Variants in KLC1 observed in about 807,000 individuals in gnomAD.
KLC1 encodes kinesin 2 60/70kDa.
A neutral mutation model predicts 84.2 loss-of-function variants in KLC1; 30 were observed. That is an observed-to-expected ratio of 0.36 (90% CI 0.27 to 0.48). KLC1 has a LOEUF of 0.48. KLC1 is among the 20% of genes least tolerant of loss of function. KLC1 has a pLI of 0.99. For missense variants in KLC1, 499 were observed against 805.4 expected (o/e 0.62, Z 4.60); for synonymous variants, 289 against 293.3 (o/e 0.99, Z 0.15).
chr14:103,699,499 G>A, intron 15 of KLC1: 1 of 1,613,006 alleles, frequency 6.2e-7, no homozygotes, highest in South Asian at 1.1e-5. Context: ...CTGCCACCGA[G>A]TCGATGACCA....
At chr14:103,631,229 C>T (rs1207549281) in intron 1 of KLC1, among the ~76,000 whole-genome samples, 2 of 151,972 alleles carry the variant, frequency 1.3e-5, no homozygotes, top group Admixed American at 6.6e-5. Context: ...CACAGGCGCC[C>T]GCCACCACGC....
chr14:103,688,362 G>T (rs1160622319), intron 14 of KLC1, among the ~76,000 whole-genome samples: 1 of 152,090 alleles, frequency 6.6e-6, no homozygotes, highest in Admixed American at 6.5e-5. Context: ...TGTTAGCCAG[G>T]CTGGTCTCGA....
At chr14:103,657,896 C>G (rs551919893) in intron 3 of KLC1, 120 bp downstream of exon 3, 1 of 754,212 alleles carries the variant, frequency 1.3e-6, no homozygotes, top group Non-Finnish European at 2.2e-6. Flanking sequence ...TTAGAACATG[C>G]AAAAATGTTT....
intron 1 of KLC1, among the ~76,000 whole-genome samples, chr14:103,636,718 A>ATATT (rs1323509359): frequency 7.3e-5 from 11 of 151,258 alleles, no homozygotes; most frequent in African/African-American, 2.4e-4. Context: ...AGTTCCTTAC[A>ATATT]TATTTATTTA....
intron 13 of KLC1, chr14:103,685,532 G>A: frequency 7.8e-7 from 1 of 1,286,728 alleles, no homozygotes. Flanking sequence ...GAAGGCTGCT[G>A]AGACTTGTGA....
At chr14:103,630,762 GTA>G (rs1248261634) in intron 1 of KLC1, among the ~76,000 whole-genome samples, 5 of 152,146 alleles carry the variant, frequency 3.3e-5, no homozygotes, top group Non-Finnish European at 1.5e-5. Context: ...TAAGTATGAA[GTA>G]TATTTCAACT....
At chr14:103,696,104 C>A in intron 15 of KLC1, 1 of 529,518 alleles carries the variant, frequency 1.9e-6, no homozygotes, top group Non-Finnish European at 2.3e-6. Context: ...CCCCGCCCCC[C>A]GCCCCCCCCC....
At chr14:103,696,041 C>A in intron 15 of KLC1, 3 of 984,748 alleles carry the variant, frequency 3.0e-6, no homozygotes, top group Non-Finnish European at 3.6e-6. Context: ...AGGAACCCCA[C>A]GCGAGAGTCA....
intron 16 of KLC1, 114 bp downstream of exon 16, chr14:103,700,841 GC>G: frequency 1.2e-6 from 1 of 844,826 alleles, no homozygotes; most frequent in Non-Finnish European, 1.8e-6. Flanking sequence ...GCTGCTAGCT[GC>G]CAGGCTGGGC....
chr14:103,685,232 ATG>A (rs1490701473), intron 13 of KLC1: 1 of 1,408,632 alleles, frequency 7.1e-7, no homozygotes, highest in Non-Finnish European at 9.2e-7. Context: ...AATGTCTAAA[ATG>A]TGTTTTTAAG....
chr14:103,652,114 A>T (rs1444161342), intron 1 of KLC1, among the ~76,000 whole-genome samples: 1 of 152,186 alleles, frequency 6.6e-6, no homozygotes, highest in African/African-American at 2.4e-5. Flanking sequence ...CATCATTTGG[A>T]TATAATACAT....
chr14:103,647,867 T>TC lies in KLC1; in HGVS notation c.-1-6695dup, dbSNP rs1409964108. Among the ~76,000 whole-genome samples the TC allele has an allele frequency of 2.1e-4, 30 of 142,412 alleles. 1 individual carries two copies. In the South Asian group the frequency reaches 5.3e-3, roughly 25 times the overall value. 93.4% of individuals were successfully genotyped at this position (142,412 alleles called of 152,430 possible). Reference sequence around the variant, plus strand: ...CTCCAGCCTGGCGACAGAGCAAGACTCCATCTCAAAAAAAAAAAAAAAGAA... The same window carrying TC: ...CTCCAGCCTGGCGACAGAGCAAGACTCCCATCTCAAAAAAAAAAAAAAAGAA... On this transcript the variant is annotated intron_variant, in intron 1 of 16. Transcript: ENST00000334553.
intron 13 of KLC1, chr14:103,686,285 G>A (rs2081776274): frequency 5.5e-6 from 5 of 902,122 alleles, no homozygotes; most frequent in South Asian, 5.1e-5. Context: ...ATGAAACGCC[G>A]CATGGCACAG....
chr14:103,662,035 T>G (rs113955726), intron 3 of KLC1, 81 bp from the exon 4 acceptor site: 4 of 872,256 alleles, frequency 4.6e-6, no homozygotes, highest in Non-Finnish European at 1.9e-6. Flanking sequence ...TTAGTTAAAA[T>G]GTATTTAATA....
intron 15 of KLC1, chr14:103,695,960 A>G: frequency 2.0e-6 from 2 of 985,298 alleles, no homozygotes; most frequent in Non-Finnish European, 2.4e-6. Context: ...GGCGGTCTGA[A>G]TTTTTCCCTT....
At position 103,693,439 on chromosome 14, in the gene KLC1, G is replaced by A. The variant is rs183476729; in HGVS notation, c.1848+1014G>A. On this transcript the variant is annotated intron_variant, in intron 15 of 16. Coordinates refer to ENST00000334553, the MANE Select transcript of KLC1 (RefSeq NM_001394837.1). This position sits in a 1 kb window ranked among gnomAD's most constrained non-coding sequence, Gnocchi z 5.1. Reference sequence around the variant, plus strand: ...GCACATTGACCCCTGGGCCTCTCGAGTGCCAACCTAGATTTAGCTGTGCAG... The same window carrying A: ...GCACATTGACCCCTGGGCCTCTCGAATGCCAACCTAGATTTAGCTGTGCAG... The A allele has an allele frequency of 4.7e-6, 7 of 1,496,674 alleles. No homozygotes were observed. Among genetic ancestry groups the A allele is most frequent in the Non-Finnish European group, 5.3e-6 (6 of 1,124,090 alleles). The allele number at this position is 1,496,674 out of a possible 1,614,324, so 92.7% of individuals were successfully genotyped here.
chr14:103,680,530 A>G (rs1226408482), intron 13 of KLC1, among the ~76,000 whole-genome samples: 2 of 152,254 alleles, frequency 1.3e-5, no homozygotes. Context: ...TTCTAAATAA[A>G]TATTTTATAA....
intron 1 of KLC1, among the ~76,000 whole-genome samples, chr14:103,635,610 C>T (rs893151525): frequency 4.6e-5 from 7 of 151,910 alleles, no homozygotes; most frequent in African/African-American, 1.5e-4. Flanking sequence ...TAAAATTAGC[C>T]GCGTGTGGTA....
At chr14:103,653,429 C>G (rs1487024271) in intron 1 of KLC1, among the ~76,000 whole-genome samples, 1 of 152,144 alleles carries the variant, frequency 6.6e-6, no homozygotes, top group Non-Finnish European at 1.5e-5. Context: ...TCAAGTGATT[C>G]TCGTGCCTCA....
Sources: allele counts gnomAD v4.1 joint callset (sites outside exome capture counted in the v4.1 genomes callset), GRCh38; gene constraint gnomAD v4.1.1; non-coding constraint Gnocchi (gnomAD v3.1); transcripts MANE v1.5; gene names NCBI Gene and HGNC (gene_info 2026-07-23, HGNC 2026-07-21).